The following POFUT3 variants were observed in gnomAD, a reference collection of about 807,000 sequenced individuals.
POFUT3 encodes GDP-fucose protein O-fucosyltransferase 3.
chr8:33,351,454 G>T, the POFUT3 span, among the ~76,000 whole-genome samples: 3 of 151,966 alleles, frequency 2.0e-5, no homozygotes, highest in East Asian at 5.8e-4. Flanking sequence ...GGGGGCAGGG[G>T]GTGTGAGTGA....
chr8:33,457,901 TATA>T, the POFUT3 span, among the ~76,000 whole-genome samples: 86,819 of 151,640 alleles, frequency 0.57, 25,041 homozygotes, highest in Non-Finnish European at 0.59. Flanking sequence ...TGTAGGTAAC[TATA>T]ATATTTTCAT....
the POFUT3 span, among the ~76,000 whole-genome samples, chr8:33,464,729 G>T: frequency 1.3e-5 from 2 of 152,130 alleles, no homozygotes; most frequent in African/African-American, 2.4e-5. Flanking sequence ...GCAGTGAGCC[G>T]TGATTGTGCC....
At chr8:33,312,997 A>G in the POFUT3 span, among the ~76,000 whole-genome samples, 1 of 152,192 alleles carries the variant, frequency 6.6e-6, no homozygotes, top group African/African-American at 2.4e-5. Context: ...TTCCATTACC[A>G]TCTATTATTA....
At chr8:33,401,513 T>C in the POFUT3 span, among the ~76,000 whole-genome samples, 1 of 152,136 alleles carries the variant, frequency 6.6e-6, no homozygotes, top group Non-Finnish European at 1.5e-5. Context: ...AGAAAATAAA[T>C]ATTTTTATAA....
chr8:33,412,716 C>T, the POFUT3 span, among the ~76,000 whole-genome samples: 1 of 152,208 alleles, frequency 6.6e-6, no homozygotes, highest in African/African-American at 2.4e-5. Context: ...CAACCTCTGC[C>T]TCCTGGGTTC....
the POFUT3 span, among the ~76,000 whole-genome samples, chr8:33,331,198 C>CA: frequency 9.3e-6 from 1 of 107,250 alleles, no homozygotes; most frequent in Non-Finnish European, 1.9e-5. Flanking sequence ...AAAAATTAAC[C>CA]GGGCGCGCGC....
At chr8:33,391,207 T>C in the POFUT3 span, among the ~76,000 whole-genome samples, 1 of 152,242 alleles carries the variant, frequency 6.6e-6, no homozygotes, top group South Asian at 2.1e-4. Flanking sequence ...AACTCTTCAG[T>C]GCCAACACTA....
At chr8:33,432,538 A>T in the POFUT3 span, among the ~76,000 whole-genome samples, 1 of 152,224 alleles carries the variant, frequency 6.6e-6, no homozygotes, top group African/African-American at 2.4e-5. Flanking sequence ...TCACATGTAC[A>T]TTTAGATTTG....
At chr8:33,321,287 C>T in the POFUT3 span, among the ~76,000 whole-genome samples, 345 of 152,218 alleles carry the variant, frequency 2.3e-3, 1 homozygote, top group Non-Finnish European at 4.1e-3. Context: ...ATTTGTGAGT[C>T]AAGGATTCAG....
At chr8:33,431,247 TA>T in the POFUT3 span, among the ~76,000 whole-genome samples, 3 of 151,886 alleles carry the variant, frequency 2.0e-5, no homozygotes, top group Non-Finnish European at 4.4e-5. Context: ...CCCATGTGGC[TA>T]AAAGTATACC....
At chr8:33,438,707 A>G in the POFUT3 span, among the ~76,000 whole-genome samples, 10 of 152,188 alleles carry the variant, frequency 6.6e-5, no homozygotes, top group African/African-American at 2.2e-4. Context: ...GAGGCCTCAC[A>G]ATCGTGGTGG....
chr8:33,310,218 C>T, the POFUT3 span, among the ~76,000 whole-genome samples: 1 of 151,996 alleles, frequency 6.6e-6, no homozygotes, highest in African/African-American at 2.4e-5. Context: ...CTCACAGCTG[C>T]TGAGATTTTA....
chr8:33,443,114 G>A, the POFUT3 span, among the ~76,000 whole-genome samples: 1 of 151,796 alleles, frequency 6.6e-6, no homozygotes, highest in African/African-American at 2.4e-5. Flanking sequence ...ACCTGCCTAC[G>A]AAAAAGAAAA....
the POFUT3 span, among the ~76,000 whole-genome samples, chr8:33,472,747 T>C: frequency 6.6e-6 from 1 of 152,110 alleles, no homozygotes. Flanking sequence ...CCCGCGCTCC[T>C]TCTCCGGGCT....
the POFUT3 span, among the ~76,000 whole-genome samples, chr8:33,353,376 G>A: frequency 6.6e-6 from 1 of 152,150 alleles, no homozygotes; most frequent in Non-Finnish European, 1.5e-5. Flanking sequence ...CGCATGTTTT[G>A]TCTGGAGATT....
chr8:33,469,405 T>C, the POFUT3 span, among the ~76,000 whole-genome samples: 1 of 152,266 alleles, frequency 6.6e-6, no homozygotes, highest in South Asian at 2.1e-4. Flanking sequence ...TTTATTTTTA[T>C]ATAAAGCATG....
At chr8:33,415,268 A>G in the POFUT3 span, among the ~76,000 whole-genome samples, 1 of 151,884 alleles carries the variant, frequency 6.6e-6, no homozygotes, top group Admixed American at 6.6e-5. Flanking sequence ...CCTCAAAAAA[A>G]TAAATAAATA....
chr8:33,315,627 A>G, the POFUT3 span, among the ~76,000 whole-genome samples: 1 of 152,128 alleles, frequency 6.6e-6, no homozygotes, highest in African/African-American at 2.4e-5. Flanking sequence ...AGAGAAACCG[A>G]TGGGAACAAA....
At chr8:33,363,812 T>A in the POFUT3 span, among the ~76,000 whole-genome samples, 1 of 152,124 alleles carries the variant, frequency 6.6e-6, no homozygotes, top group African/African-American at 2.4e-5. Context: ...CAGGACCAGA[T>A]GGATTCACAG....
Sources: allele counts gnomAD v4.1 joint callset (sites outside exome capture counted in the v4.1 genomes callset), GRCh38; gene constraint gnomAD v4.1.1; transcripts MANE v1.5; gene names NCBI Gene and HGNC (gene_info 2026-07-23, HGNC 2026-07-21).